The following HDAC9 variants were observed in gnomAD, a reference collection of about 807,000 sequenced individuals.
HDAC9 encodes the protein MEF-2 interacting transcription repressor (MITR) protein.
In HDAC9, 41 loss-of-function variants were observed where a neutral mutation model predicts 139.4. The ratio of observed to expected loss-of-function variants is 0.29; its 90% CI spans 0.23 to 0.38. HDAC9 has a LOEUF of 0.38. HDAC9 is among the 10% of genes least tolerant of loss of function. The pLI is 1.00. For missense variants in HDAC9, 1,147 were observed against 1,297.0 expected (o/e 0.88, Z 1.78); for synonymous variants, 517 against 476.2 (o/e 1.09, Z -1.12).
intron 16 of HDAC9, among the ~76,000 whole-genome samples, chr7:18,777,542 T>TGCA (rs1236819000): frequency 6.6e-6 from 1 of 151,954 alleles, no homozygotes; most frequent in African/African-American, 2.4e-5. Flanking sequence ...CAGTTTCGTG[T>TGCA]TGTATTTATA....
chr7:18,706,475 A>G (rs1461605726), intron 12 of HDAC9, among the ~76,000 whole-genome samples: 1 of 152,190 alleles, frequency 6.6e-6, no homozygotes, highest in Non-Finnish European at 1.5e-5. Context: ...TTTACCTTGT[A>G]TTTCACTCAA....
Position 18,880,850 on chromosome 7 carries a change from G to T in HDAC9, c.2803+6254G>T, listed in dbSNP as rs540089738. 2.1e-3 allele frequency among the ~76,000 whole-genome samples: 321 copies of T among 150,356 alleles called. 4 individuals carry two copies. Among genetic ancestry groups the T allele is most frequent in the African/African-American group, 7.3e-3 (300 of 40,998 alleles). ...AGAATAGTTAATAGTTGCCGGGGGG[G>T]GGGGAACCAAATAACAAAGCTTAGC... On this transcript the variant is annotated intron_variant, in intron 22 of 25. Coordinates refer to ENST00000686413, the MANE Select transcript of HDAC9 (RefSeq NM_178425.4).
At chr7:18,415,888 A>C (rs935327345) in intron 1 of HDAC9, among the ~76,000 whole-genome samples, 2 of 152,156 alleles carry the variant, frequency 1.3e-5, no homozygotes, top group African/African-American at 4.8e-5. Flanking sequence ...AATTGCACTG[A>C]CTGATTTTCA....
chr7:18,405,937 G>C (rs2128739338), intron 1 of HDAC9, among the ~76,000 whole-genome samples: 1 of 152,336 alleles, frequency 6.6e-6, no homozygotes, highest in Middle Eastern at 3.4e-3. Flanking sequence ...GTTCTGACCA[G>C]ATTTCTGGGT....
chr7:18,489,776 T>C (rs908373808), intron 1 of HDAC9, among the ~76,000 whole-genome samples: 1 of 152,074 alleles, frequency 6.6e-6, no homozygotes, highest in Non-Finnish European at 1.5e-5. Context: ...TCCTTATCTC[T>C]AATTACAGGA....
chr7:18,835,582 A>C lies in HDAC9; in HGVS notation c.2582A>C (p.Asn861Thr). The change falls in exon 20 of 26, where the codon AAT becomes ACT. Residue 861 changes from asparagine (N) to threonine (T), a missense_variant. Physicochemically the swap from Asn to Thr is moderately conservative, Grantham distance 65. Coordinates refer to ENST00000686413, the MANE Select transcript of HDAC9 (RefSeq NM_178425.4). Reference protein sequence around the residue: ...GNFFPGSGAPNEVGTGLGEGY... With the variant: ...GNFFPGSGAPTEVGTGLGEGY... ...TTTTTCCCTGGCAGTGGAGCCCCAAATGAGGTTCGGTTTATTTCTTTAGAG... is the reference window on the plus strand; with the variant it reads ...TTTTTCCCTGGCAGTGGAGCCCCAACTGAGGTTCGGTTTATTTCTTTAGAG... 1 of 1,613,708 alleles carries C rather than the reference A, an allele frequency of 6.2e-7. No individual in the cohort carries two copies. Among genetic ancestry groups the C allele is most frequent in the South Asian group, 1.1e-5 (1 of 91,076 alleles).
At chr7:18,869,887 G>GT (rs146884767) in intron 21 of HDAC9, among the ~76,000 whole-genome samples, 533 of 145,276 alleles carry the variant, frequency 3.7e-3, no homozygotes, top group Non-Finnish European at 4.7e-3. Flanking sequence ...GGTTTTTTTT[G>GT]TTTTTTTTTT....
At chr7:18,894,935 G>A (rs1801039061) in intron 22 of HDAC9, among the ~76,000 whole-genome samples, 1 of 152,080 alleles carries the variant, frequency 6.6e-6, no homozygotes, top group Admixed American at 6.6e-5. Flanking sequence ...GGTGATGGGT[G>A]TAATGGTGGG....
At chr7:18,457,843 G>A (rs948029861) in intron 1 of HDAC9, among the ~76,000 whole-genome samples, 2 of 151,592 alleles carry the variant, frequency 1.3e-5, no homozygotes, top group African/African-American at 4.8e-5. Context: ...CTTGTTCCTG[G>A]ATGGGTCTTA....
intron 13 of HDAC9, among the ~76,000 whole-genome samples, chr7:18,733,595 ACATAT>A (rs1378595128): frequency 2.0e-5 from 3 of 151,590 alleles, no homozygotes; most frequent in African/African-American, 4.8e-5. Context: ...ATCATGTATC[ACATAT>A]CATAACATAA....
At chr7:18,775,095 A>G (rs1300873949) in intron 16 of HDAC9, among the ~76,000 whole-genome samples, 2 of 152,070 alleles carry the variant, frequency 1.3e-5, no homozygotes, top group Non-Finnish European at 1.5e-5. Flanking sequence ...TCGGTGGAGC[A>G]GAAGTCACAC....
Position 18,331,026 on chromosome 7 carries a change from G to C in HDAC9, c.-42+40511G>C, listed in dbSNP as rs183089223. Reference sequence around the variant, plus strand: ...ATTTGAGTTGACCAATTAATAACTGGTTTCTCTGTTATCACAACCATAAAC... The same window carrying C: ...ATTTGAGTTGACCAATTAATAACTGCTTTCTCTGTTATCACAACCATAAAC... On this transcript the variant is annotated intron_variant, in intron 1 of 3. Transcript: ENST00000413509. 1.1e-4 allele frequency among the ~76,000 whole-genome samples: 16 copies of C among 151,722 alleles called. No homozygotes were observed. The East Asian group carries it at 3.1e-3, about 30-fold the overall frequency.
chr7:18,717,106 TG>T (rs1230879148), intron 12 of HDAC9, among the ~76,000 whole-genome samples: 1 of 151,290 alleles, frequency 6.6e-6, no homozygotes, highest in Non-Finnish European at 1.5e-5. Flanking sequence ...CTACCCTCAC[TG>T]GAAGTGACCA....
In HDAC9 at chr7:18,258,270, G is replaced by T. The variant is rs142521619; in HGVS notation, c.25+95921G>T. 2.6e-5 allele frequency among the ~76,000 whole-genome samples: 4 copies of T among 152,304 alleles called. No individual in the cohort carries two copies. The East Asian group carries it at 7.7e-4, about 29-fold the overall frequency. The stretch of plus-strand genomic sequence containing the variant: ...TCAGTTACTATCTAATATGGGTGAA[G>T]CACTGGGTTAAATGAGAGATGTAAA... On this transcript the variant is annotated intron_variant, in intron 2 of 12. Transcript: ENST00000417496.
upstream of HDAC9, among the ~76,000 whole-genome samples, chr7:18,491,839 A>G (rs1399715582): frequency 6.6e-6 from 1 of 151,840 alleles, no homozygotes; most frequent in Non-Finnish European, 1.5e-5. Flanking sequence ...GCTAACATTG[A>G]GGGGAGATCT....
At chr7:18,098,856 GT>G (rs1449767615) in intron 1 of HDAC9, among the ~76,000 whole-genome samples, 1 of 152,124 alleles carries the variant, frequency 6.6e-6, no homozygotes, top group African/African-American at 2.4e-5. Context: ...TGAATCCCCG[GT>G]TGAGCTTTTA....
intron 2 of HDAC9, among the ~76,000 whole-genome samples, chr7:18,583,320 A>C (rs533434568): frequency 2.0e-5 from 3 of 152,224 alleles, no homozygotes; most frequent in Non-Finnish European, 4.4e-5. Context: ...AACATCTTCA[A>C]TGTTACACAC....
intron 1 of HDAC9, among the ~76,000 whole-genome samples, chr7:18,427,362 G>A (rs1231325586): frequency 6.6e-6 from 1 of 152,016 alleles, no homozygotes; most frequent in Non-Finnish European, 1.5e-5. Flanking sequence ...GGGTTCTCTA[G>A]ACGTAAACAT....
At chr7:18,482,990 T>C (rs1795697572) in intron 1 of HDAC9, among the ~76,000 whole-genome samples, 1 of 152,206 alleles carries the variant, frequency 6.6e-6, no homozygotes, top group East Asian at 1.9e-4. Flanking sequence ...GAAGTACTGC[T>C]CTGAAGTGTG....
Sources: gnomAD v4.1 joint callset for allele counts (sites outside exome capture counted in the v4.1 genomes callset) on GRCh38, gnomAD v4.1.1 for gene constraint, MANE v1.5 for transcripts, NCBI Gene and HGNC (gene_info 2026-07-23, HGNC 2026-07-21) for gene names.